C6: variants seen among roughly 807,000 people sequenced by gnomAD.
The protein encoded by C6 is complement component C6.
A neutral mutation model predicts 112.9 loss-of-function variants in C6; 101 were observed. The observed-to-expected ratio is 0.89, with a 90% CI of 0.76 to 1.06. C6 has a LOEUF of 1.06. Among genes scored for constraint, C6 ranks in the 50% least tolerant of loss-of-function variants. The probability of loss-of-function intolerance (pLI) is 0.00; values close to 1 mark genes in which losing one functional copy is unlikely to be tolerated. For missense variants in C6, 1,202 were observed against 1,104.6 expected (o/e 1.09, Z -1.25); for synonymous variants, 431 against 384.1 (o/e 1.12, Z -1.43).
intron 1 of C6, among the ~76,000 whole-genome samples, chr5:41,205,980 C>A (rs1751407525): frequency 6.6e-5 from 10 of 152,202 alleles, no homozygotes; most frequent in Admixed American, 6.5e-4. Flanking sequence ...TACGGGCCGA[C>A]TGACACCTCA....
chr5:41,185,785 G>A (rs1455216807), intron 6 of C6, among the ~76,000 whole-genome samples: 1 of 152,148 alleles, frequency 6.6e-6, no homozygotes, highest in Non-Finnish European at 1.5e-5. Flanking sequence ...ATATTCAATG[G>A]AGAAAGCATG....
At chr5:41,207,750 G>C (rs1419791980) in intron 1 of C6, among the ~76,000 whole-genome samples, 1 of 152,134 alleles carries the variant, frequency 6.6e-6, no homozygotes, top group East Asian at 1.9e-4. Flanking sequence ...GATCTACAAA[G>C]AGACTTAGAC....
intron 1 of C6, among the ~76,000 whole-genome samples, chr5:41,242,484 A>T (rs1043759945): frequency 1.3e-5 from 2 of 152,186 alleles, no homozygotes; most frequent in Non-Finnish European, 2.9e-5. Context: ...GCAGTTCTTT[A>T]TAGCAGTATG....
chr5:41,176,578 G>T lies in C6; in HGVS notation c.1065C>A (p.Ser355Arg). ...LPLEYNSALYSRIFDDFGTHY... is the reference protein window; with the variant it reads ...LPLEYNSALYRRIFDDFGTHY... ...GAGTCCCAAAGTCATCGAATATTCG[G>T]CTGTACAAAGCAGAGTTGTATTCTA... The change falls in exon 8 of 18, where the codon AGC becomes AGA. Residue 355 changes from serine (S) to arginine (R), a missense_variant. Ser to Arg is a moderately radical substitution (Grantham distance 110). Transcript: ENST00000337836. 6.2e-7 allele frequency: 1 copy of T among 1,613,896 alleles called. No individual in the cohort carries two copies. The highest frequency in any genetic ancestry group is 1.1e-5 in the South Asian group (1 of 91,074).
upstream of C6, among the ~76,000 whole-genome samples, chr5:41,217,284 T>C (rs1407737282): frequency 6.6e-6 from 1 of 152,162 alleles, no homozygotes; most frequent in African/African-American, 2.4e-5. Flanking sequence ...TGCCGGATAT[T>C]ATGATCATTG....
intron 1 of C6, among the ~76,000 whole-genome samples, chr5:41,234,744 A>G (rs1740147797): frequency 6.6e-6 from 1 of 152,176 alleles, no homozygotes; most frequent in South Asian, 2.1e-4. Flanking sequence ...CATGTTCACT[A>G]GTAACTTGTT....
At chr5:41,234,364 G>GTTTTTTTTTTTTTTT (rs70988840) in intron 1 of C6, among the ~76,000 whole-genome samples, 1 of 122,996 alleles carries the variant, frequency 8.1e-6, no homozygotes, top group African/African-American at 2.9e-5. Context: ...TTTGTTTTTT[G>GTTTTTTTTTTTTTTT]TTTTTTTTTT....
chr5:41,185,515 T>C (rs1427340030), intron 6 of C6, among the ~76,000 whole-genome samples: 1 of 152,216 alleles, frequency 6.6e-6, no homozygotes, highest in Non-Finnish European at 1.5e-5. Flanking sequence ...GTGTAAAGCA[T>C]GAGTTAGATT....
chr5:41,210,407 A>G (rs1751815330), intron 1 of C6, among the ~76,000 whole-genome samples: 1 of 152,314 alleles, frequency 6.6e-6, no homozygotes, highest in South Asian at 2.1e-4. Flanking sequence ...CAGCCAAAGA[A>G]ACTACCATCA....
chr5:41,247,258 T>C (rs1194354791), intron 1 of C6, among the ~76,000 whole-genome samples: 2 of 152,116 alleles, frequency 1.3e-5, no homozygotes, highest in Non-Finnish European at 2.9e-5. Context: ...CTATCTCTCC[T>C]AATTGACAAT....
At chr5:41,161,641 G>T in intron 10 of C6, 52 bp downstream of exon 10, 1 of 1,412,364 alleles carries the variant, frequency 7.1e-7, no homozygotes, top group Non-Finnish European at 1.0e-6. Flanking sequence ...TGCAATTTGG[G>T]CTGCTAGAGA....
intron 1 of C6, among the ~76,000 whole-genome samples, chr5:41,249,725 A>T (rs1741229029): frequency 6.6e-6 from 1 of 152,166 alleles, no homozygotes; most frequent in Non-Finnish European, 1.5e-5. Flanking sequence ...AGTGTATTTT[A>T]TCTGAAAGCC....
In C6 at chr5:41,149,542, G is replaced by A. The variant is rs183408228; in HGVS notation, c.2382-60C>T. 3.4e-3 allele frequency: 5,489 copies of A among 1,601,962 alleles called. 13 individuals are homozygous for A. The highest frequency in any genetic ancestry group is 4.3e-3 in the Non-Finnish European group (5,076 of 1,175,422). ...AAGATCAGAAAAAAACAGGGGGCACGTAGCCAATGTAGTGTGTTCACTCAC... is the reference window on the plus strand; with the variant it reads ...AAGATCAGAAAAAAACAGGGGGCACATAGCCAATGTAGTGTGTTCACTCAC... On this transcript the variant is annotated intron_variant, in intron 16 of 17. Transcript: ENST00000337836.
At chr5:41,158,904 A>G (rs1580067574) in intron 12 of C6, 119 bp from the exon 13 acceptor site, 2 of 1,004,044 alleles carry the variant, frequency 2.0e-6, no homozygotes, top group East Asian at 4.9e-5. Flanking sequence ...TAAATAGAAA[A>G]CATTACACAC....
chr5:41,211,352 C>T (rs980560846), intron 1 of C6, among the ~76,000 whole-genome samples: 10 of 151,894 alleles, frequency 6.6e-5, no homozygotes, highest in Admixed American at 4.6e-4. Context: ...CAAACCTTCA[C>T]GTTGTGCACA....
chr5:41,186,936 A>T (rs186193900), intron 5 of C6, among the ~76,000 whole-genome samples: 32 of 152,296 alleles, frequency 2.1e-4, no homozygotes, highest in African/African-American at 7.7e-4. Context: ...CTTCTCCAAG[A>T]TGCTAATGCT....
chr5:41,246,981 A>G (rs1215591947), intron 1 of C6, among the ~76,000 whole-genome samples: 1 of 152,212 alleles, frequency 6.6e-6, no homozygotes, highest in Non-Finnish European at 1.5e-5. Flanking sequence ...GACAGATATC[A>G]GTTAAGTATT....
intron 1 of C6, among the ~76,000 whole-genome samples, chr5:41,258,660 C>A (rs1410170561): frequency 6.6e-6 from 1 of 152,132 alleles, no homozygotes; most frequent in Non-Finnish European, 1.5e-5. Context: ...ACTGTATTAG[C>A]CCATTCTCAT....
intron 1 of C6, among the ~76,000 whole-genome samples, chr5:41,228,644 T>C (rs754755263): frequency 6.6e-6 from 1 of 152,198 alleles, no homozygotes; most frequent in Non-Finnish European, 1.5e-5. Flanking sequence ...GCCTAATTCA[T>C]TGACACTTTT....
Sources: gnomAD v4.1 joint callset for allele counts (sites outside exome capture counted in the v4.1 genomes callset) on GRCh38, gnomAD v4.1.1 for gene constraint, MANE v1.5 for transcripts, NCBI Gene and HGNC (gene_info 2026-07-23, HGNC 2026-07-21) for gene names.